The following DACT3 variants were observed in gnomAD, a reference collection of about 807,000 sequenced individuals.
DACT3 encodes dapper homolog 3.
A neutral mutation model predicts 19.6 loss-of-function variants in DACT3; 5 were observed. The observed-to-expected ratio is 0.26, with a 90% confidence interval of 0.13 to 0.54. The LOEUF (loss-of-function observed/expected upper bound fraction) is 0.54. Among genes scored for constraint, DACT3 ranks in the 20% least tolerant of loss-of-function variants. The pLI is 0.95. For missense variants in DACT3, 908 were observed against 927.4 expected, an observed-to-expected ratio of 0.98 and a Z score of 0.27; for synonymous variants, 454 against 428.1, an observed-to-expected ratio of 1.06 and a Z score of -0.75.
intron 1 of DACT3, among the ~76,000 whole-genome samples, chr19:46,655,925 C>CTATA (rs557971018): frequency 2.5e-4 from 34 of 137,932 alleles, no homozygotes; most frequent in South Asian, 2.4e-3. Context: ...CTCTCTCTCT[C>CTATA]TATATATATA....
intron 3 of DACT3, chr19:46,651,505 T>C (rs1488003470): frequency 6.6e-6 from 1 of 152,238 alleles, no homozygotes; most frequent in East Asian, 1.9e-4. Flanking sequence ...AGGTAGCACA[T>C]AGTGGGGGCT....
At position 46,655,925 on chromosome 19, in the gene DACT3, C is replaced by CTCTCTCTCTCTCTATA. The variant is rs980735397; in HGVS notation, c.250-2851_250-2850insTATAGAGAGAGAGAGA. 1.6e-4 allele frequency among the ~76,000 whole-genome samples: 22 copies of CTCTCTCTCTCTCTATA among 137,936 alleles called. No individual in the cohort carries two copies. The East Asian group carries it at 1.7e-3, about 10-fold the overall frequency. The allele number at this position is 137,936 out of a possible 152,430, so 90.5% of individuals were successfully genotyped here. On this transcript the variant is annotated intron_variant, in intron 1 of 3. Transcript: ENST00000391916. ...AGTCTCTCTCTCTCTCTCTCTCTCT[C>CTCTCTCTCTCTCTATA]TATATATATATATATATATATACAC... is the stretch of plus-strand genomic sequence containing the variant.
At chr19:46,654,603 AT>A (rs1483029169) in intron 1 of DACT3, 2 of 985,200 alleles carry the variant, frequency 2.0e-6, no homozygotes, top group Non-Finnish European at 2.4e-6. Context: ...ACTTAATCTC[AT>A]TTTAGAAAAG....
At chr19:46,659,098 A>C in intron 1 of DACT3, 6 of 984,872 alleles carry the variant, frequency 6.1e-6, no homozygotes, top group Non-Finnish European at 7.2e-6. Flanking sequence ...GATCAGAAGA[A>C]GCCCTAATCC....
Position 46,648,589 on chromosome 19 carries a change from G to A in DACT3, c.1783C>T (p.Pro595Ser). ...ASGGGAGAGA[P>S]AGPAKVFVKI... ...ACGAAGACTTTGGCGGGGCCTGCGG[G>A]CGCCCCTGCACCTGCTCCACCCCCA... Residue 595 changes from proline to serine, a missense_variant, in exon 4 of 4, where the codon CCC becomes TCC. Transcript: ENST00000391916. This position sits in a 1 kb window ranked among gnomAD's most constrained non-coding sequence, Gnocchi z 5.1. 1 of 1,613,542 alleles carries A rather than the reference G, an allele frequency of 6.2e-7. No homozygotes were observed. The highest frequency in any genetic ancestry group is 8.5e-7 in the Non-Finnish European group (1 of 1,179,760).
chr19:46,649,371 G>C lies in DACT3; in HGVS notation c.1001C>G (p.Pro334Arg). The C allele has an allele frequency of 7.9e-7, 1 of 1,271,366 alleles. No individual in the cohort carries two copies. The highest frequency in any genetic ancestry group is 2.0e-5 in the South Asian group (1 of 49,920). 78.8% of individuals were successfully genotyped at this position (1,271,366 alleles called of 1,614,324 possible). A position where few individuals can be genotyped will look rare whatever the true frequency, so the allele number is the denominator to read the frequency against. ...WASSWESEAAPEPAAPPAAPS... is the reference protein window; with the variant it reads ...WASSWESEAAREPAAPPAAPS... ...GGCGGCGGGCGGCGCAGCGGGCTCG[G>C]GTGCCGCCTCCGACTCCCACGACGA... The change falls in exon 4 of 4, where the codon CCC becomes CGC. Residue 334 changes from proline (P) to arginine (R), a missense_variant. By Grantham distance (103) the Pro-to-Arg change is moderately radical. Around this residue, in one of 2 missense-constraint regions of DACT3, gnomAD observed 656 missense variants for 601.8 expected, o/e 1.09. Coordinates refer to ENST00000391916, the MANE Select transcript of DACT3 (RefSeq NM_145056.3).
In DACT3 at chr19:46,648,780, GGCCCCAGGC is replaced by G; in HGVS notation, c.1583_1591del (p.Arg528_Gly530del). 6.5e-7 allele frequency: 1 copy of G among 1,549,248 alleles called. No individual in the cohort carries two copies. The highest frequency in any genetic ancestry group is 8.7e-7 in the Non-Finnish European group (1 of 1,154,656). On this transcript the variant is annotated inframe_deletion, in exon 4 of 4. Coordinates refer to ENST00000391916, the MANE Select transcript of DACT3 (RefSeq NM_145056.3). This position sits in a 1 kb window ranked among gnomAD's most constrained non-coding sequence, Gnocchi z 5.1. ...TCCCGCAGGCCCCCGGCGTCCCAGG[GGCCCCAGGC>G]GCCCAGCCGAGCACTCGGAGTCGCT...
In DACT3 at chr19:46,649,302, G is replaced by T; in HGVS notation, c.1070C>A (p.Ala357Glu). The change falls in exon 4 of 4, where the codon GCG becomes GAG. Residue 357 changes from alanine to glutamate, a missense_variant. Ala to Glu is a moderately radical substitution (Grantham distance 107, BLOSUM62 -1). This residue lies in a region of DACT3 where 656 missense variants were observed against 601.8 expected (regional missense o/e 1.09). Transcript: ENST00000391916. ...CGCCTGCGCGCCCGGGATGTACTGC[G>T]CCTTCACCAAGCGGCCCTCAGCCGG... is the stretch of plus-strand genomic sequence containing the variant. ...DSPAEGRLVKAQYIPGAQAAT... is the reference protein window; with the variant it reads ...DSPAEGRLVKEQYIPGAQAAT... The T allele has an allele frequency of 8.1e-7, 1 of 1,234,596 alleles. No individual in the cohort carries two copies. The highest frequency in any genetic ancestry group is 4.3e-5 in the Admixed American group (1 of 23,054). 76.5% of individuals were successfully genotyped at this position (1,234,596 alleles called of 1,614,324 possible).
At position 46,655,071 on chromosome 19, in the gene DACT3, G is replaced by A. The variant is rs569972280; in HGVS notation, c.250-1996C>T. On this transcript the variant is annotated intron_variant, in intron 1 of 3. Coordinates refer to ENST00000391916, the MANE Select transcript of DACT3 (RefSeq NM_145056.3). ...GGACCTACCATGTACCCCATGTCAC[G>A]TCCGTCACAAATCACTGGCATGCTC... 9 of 985,208 alleles carry A rather than the reference G, an allele frequency of 9.1e-6. No individual in the cohort carries two copies. In the Admixed American group the frequency reaches 3.7e-4, roughly 40 times the overall value. 61.0% of individuals were successfully genotyped at this position (985,208 alleles called of 1,614,324 possible).
At chr19:46,653,968 C>T in intron 1 of DACT3, 1 of 985,190 alleles carries the variant, frequency 1.0e-6, no homozygotes, top group Non-Finnish European at 1.2e-6. Flanking sequence ...CTCTTTCCCC[C>T]ATATGGGTAA....
rs1227792766 is a variant in DACT3, at chr19:46,661,103, G to A, written c.-39C>T. On this transcript the variant is annotated 5_prime_UTR_variant, in exon 1 of 4. Transcript: ENST00000391916. ...CGCCCCAGCCCGGCCGGGCCCCGCG[G>A]CCACCCCTCTCCCGGTCCCACCTCC... The A allele has an allele frequency of 9.5e-5, 132 of 1,387,224 alleles. No homozygotes were observed. The highest frequency in any genetic ancestry group is 1.2e-4 in the Non-Finnish European group (131 of 1,078,592). 85.9% of individuals were successfully genotyped at this position (1,387,224 alleles called of 1,614,324 possible). A position where few individuals can be genotyped will look rare whatever the true frequency, so the allele number is the denominator to read the frequency against.
chr19:46,649,076 G>A lies in DACT3; in HGVS notation c.1296C>T (p.Gly432=). 1 of 1,293,524 alleles carries A rather than the reference G, an allele frequency of 7.7e-7. No homozygotes were observed. The highest frequency in any genetic ancestry group is 9.8e-7 in the Non-Finnish European group (1 of 1,023,212). 80.1% of individuals were successfully genotyped at this position (1,293,524 alleles called of 1,614,324 possible). The change falls in exon 4 of 4, where the codon GGC becomes GGT. Residue 432 remains glycine (G), a synonymous_variant. Transcript: ENST00000391916. The part of the protein sequence containing the change: ...SRSQSETSLL[G]RASAVPSGPP... The stretch of plus-strand genomic sequence containing the variant: ...GCCCCGAAGGGACCGCGGAGGCGCG[G>A]CCCAGCAGGCTGGTCTCAGACTGGG...
At position 46,661,059 on chromosome 19, in the gene DACT3, G is replaced by A. The variant is rs1225132653; in HGVS notation, c.6C>T (p.Ile2=). The change falls in exon 1 of 4, where the codon ATC becomes ATT. Residue 2 remains isoleucine (I), a synonymous_variant. Transcript: ENST00000391916. M[I]RAFSFPVSPE... ...GGCTCACCGGGAACGAGAAGGCCCG[G>A]ATCATGGCTGCGGCCCCCCGCCCCA... 2 of 1,476,418 alleles carry A rather than the reference G, an allele frequency of 1.4e-6. No homozygotes were observed. Among genetic ancestry groups the A allele is most frequent in the South Asian group, 1.3e-5 (1 of 77,482 alleles). The allele number at this position is 1,476,418 out of a possible 1,614,324, so 91.5% of individuals were successfully genotyped here.
chr19:46,654,262 G>T (rs964697027), intron 1 of DACT3: 1 of 946,520 alleles, frequency 1.1e-6, no homozygotes. Context: ...CGAGGCGGGC[G>T]GATCACATGA....
chr19:46,652,476 G>T lies in DACT3; in HGVS notation c.499+184C>A, dbSNP rs7508343. 1.1e-4 allele frequency: 75 copies of T among 712,556 alleles called. No individual in the cohort carries two copies. The African/African-American group carries it at 1.3e-3, about 13-fold the overall frequency. 44.1% of individuals were successfully genotyped at this position (712,556 alleles called of 1,614,324 possible). ...TTACAGGCGTGAGCCACCGCACCCA[G>T]CCATATTTCATTTTAACAGATGGAA... On this transcript the variant is annotated intron_variant, in intron 3 of 3. Transcript: ENST00000391916.
intron 1 of DACT3, chr19:46,654,138 C>T: frequency 5.1e-6 from 5 of 985,338 alleles, no homozygotes; most frequent in Non-Finnish European, 4.8e-6. Context: ...TGCCTTTGGT[C>T]CACTCCCACC....
chr19:46,659,276 C>A, intron 1 of DACT3: 2 of 984,742 alleles, frequency 2.0e-6, no homozygotes, highest in Non-Finnish European at 2.4e-6. Flanking sequence ...TCAGCTCGTG[C>A]CGGGAGGACA....
intron 1 of DACT3, among the ~76,000 whole-genome samples, chr19:46,658,880 C>G (rs760734056): frequency 7.2e-5 from 11 of 152,092 alleles, no homozygotes; most frequent in Non-Finnish European, 1.2e-4. Context: ...CTTTTTCCTT[C>G]TTGAGAGCAA....
chr19:46,649,449 T>C lies in DACT3; in HGVS notation c.923A>G (p.Glu308Gly). Residue 308 changes from glutamate to glycine, a missense_variant, in exon 4 of 4, where the codon GAG becomes GGG. By Grantham distance (98) the Glu-to-Gly change is moderately conservative. This residue lies in a region of DACT3 where 656 missense variants were observed against 601.8 expected (regional missense o/e 1.09). Transcript: ENST00000391916. Reference protein sequence around the residue: ...SARPAREPSLERVGGHPTSPA... With the variant: ...SARPAREPSLGRVGGHPTSPA... ...GCTGGTGGGGTGGCCCCCGACGCGC[T>C]CCAACGAGGGCTCCCGCGCGGGTCG... 8.2e-7 allele frequency: 1 copy of C among 1,220,904 alleles called. No individual in the cohort carries two copies. The highest frequency in any genetic ancestry group is 1.0e-6 in the Non-Finnish European group (1 of 974,560). 75.6% of individuals were successfully genotyped at this position (1,220,904 alleles called of 1,614,324 possible).
Sources: gnomAD v4.1 joint callset for allele counts (sites outside exome capture counted in the v4.1 genomes callset) on GRCh38, gnomAD v4.1.1 for gene constraint, gnomAD v4.1.1 regional missense constraint, Gnocchi (gnomAD v3.1) non-coding constraint, MANE v1.5 for transcripts, NCBI Gene and HGNC (gene_info 2026-07-23, HGNC 2026-07-21) for gene names.